PODXL2: variants seen among roughly 807,000 people sequenced by gnomAD.
PODXL2 encodes podocalyxin like 2.
PODXL2 carries 17 observed loss-of-function variants against 53.4 expected under a neutral mutation model. The ratio of observed to expected loss-of-function variants is 0.32; its 90% CI spans 0.22 to 0.48. PODXL2 has a LOEUF of 0.48. Among genes scored for constraint, PODXL2 ranks in the 20% least tolerant of loss-of-function variants. The pLI is 0.99. For synonymous variants in PODXL2, 311 were observed against 306.7 expected, an observed-to-expected ratio of 1.01 and a Z score of -0.15; for missense variants, 673 against 760.0, an observed-to-expected ratio of 0.89 and a Z score of 1.35.
intron 1 of PODXL2, among the ~76,000 whole-genome samples, chr3:127,632,085 C>A (rs958234844): frequency 1.3e-5 from 2 of 152,210 alleles, no homozygotes; most frequent in Admixed American, 1.3e-4. Context: ...GGGAAGGGGC[C>A]TAGCAAACAC....
At position 127,629,389 on chromosome 3, in the gene PODXL2, GC is replaced by G; in HGVS notation, c.70+102del. On this transcript the variant is annotated intron_variant, in intron 1 of 7. Transcript: ENST00000342480. This position sits in a 1 kb window ranked among gnomAD's most constrained non-coding sequence, Gnocchi z 6.4. ...GCCAACAAAGGGGCCAGAGTGCGGC[GC>G]CGCCGGGAGCGCGCGTGTCCCGGCC... 1.1e-6 allele frequency: 1 copy of G among 903,282 alleles called. No homozygotes were observed. Among genetic ancestry groups the G allele is most frequent in the Non-Finnish European group, 1.3e-6 (1 of 754,350 alleles). The allele number at this position is 903,282 out of a possible 1,614,324, so 56.0% of individuals were successfully genotyped here.
chr3:127,640,508 C>T (rs538282728), intron 2 of PODXL2, among the ~76,000 whole-genome samples: 1 of 152,088 alleles, frequency 6.6e-6, no homozygotes, highest in South Asian at 2.1e-4. Context: ...TGAGAACAGC[C>T]TGGCCAACAT....
At position 127,672,300 on chromosome 3, in the gene PODXL2, C is replaced by T. The variant is rs1477914934; in HGVS notation, c.1638C>T (p.Asn546=). The stretch of plus-strand genomic sequence containing the variant: ...GCGAGGAGCTGCGCTTCGTGGAGAA[C>T]GGCTGCCACGACAACCCCACGCTGG... ...SHGEELRFVE[N]GCHDNPTLDV... The change falls in exon 8 of 8, where the codon AAC becomes AAT. Residue 546 remains asparagine, a synonymous_variant. Coordinates refer to ENST00000342480, the MANE Select transcript of PODXL2 (RefSeq NM_015720.4). The T allele has an allele frequency of 3.2e-6, 5 of 1,547,310 alleles. No individual in the cohort carries two copies. Among genetic ancestry groups the T allele is most frequent in the Admixed American group, 3.9e-5 (2 of 51,294 alleles).
At chr3:127,667,040 C>T (rs1346662045) in intron 4 of PODXL2, among the ~76,000 whole-genome samples, 1 of 152,246 alleles carries the variant, frequency 6.6e-6, no homozygotes, top group Non-Finnish European at 1.5e-5. Flanking sequence ...CATACTCAAT[C>T]AGTGAATAAA....
At chr3:127,654,084 G>A (rs1278824164) in intron 2 of PODXL2, among the ~76,000 whole-genome samples, 1 of 152,112 alleles carries the variant, frequency 6.6e-6, no homozygotes, top group African/African-American at 2.4e-5. Context: ...AAAAGAGCAG[G>A]GTTTCATAGT....
chr3:127,665,589 C>T (rs2074791475), intron 4 of PODXL2, among the ~76,000 whole-genome samples: 1 of 152,134 alleles, frequency 6.6e-6, no homozygotes, highest in Admixed American at 6.5e-5. Context: ...AAAAGAAATC[C>T]TTACTGTAGA....
intron 2 of PODXL2, among the ~76,000 whole-genome samples, chr3:127,657,188 T>A (rs1392653707): frequency 6.6e-6 from 1 of 152,182 alleles, no homozygotes; most frequent in Non-Finnish European, 1.5e-5. Context: ...TTTAGGGAGT[T>A]CTGTTGGTGC....
At position 127,672,273 on chromosome 3, in the gene PODXL2, C is replaced by T. The variant is rs868771954; in HGVS notation, c.1611C>T (p.His537=). 12 of 1,543,746 alleles carry T rather than the reference C, an allele frequency of 7.8e-6. No individual in the cohort carries two copies. In the Middle Eastern group the frequency reaches 1.8e-3, roughly 230 times the overall value. ...CTCTCCCCACCCCGCCTCAGTCGCA[C>T]GGCGAGGAGCTGCGCTTCGTGGAGA... is the stretch of plus-strand genomic sequence containing the variant. ...RRLPKLKHVS[H]GEELRFVENG... The change falls in exon 8 of 8, where the codon CAC becomes CAT. Residue 537 remains histidine (H), a synonymous_variant. Transcript: ENST00000342480.
At chr3:127,648,438 A>G (rs1345138492) in intron 2 of PODXL2, among the ~76,000 whole-genome samples, 1 of 152,242 alleles carries the variant, frequency 6.6e-6, no homozygotes, top group Admixed American at 6.5e-5. Flanking sequence ...CTGTGGACAG[A>G]GCAACAAAGA....
At chr3:127,642,700 ATG>A (rs747375701) in intron 2 of PODXL2, among the ~76,000 whole-genome samples, 67 of 152,310 alleles carry the variant, frequency 4.4e-4, no homozygotes, top group Non-Finnish European at 8.4e-4. Context: ...TACAAAACAT[ATG>A]TGTACGTTCA....
At chr3:127,658,707 G>A (rs2074741264) in intron 2 of PODXL2, among the ~76,000 whole-genome samples, 1 of 152,086 alleles carries the variant, frequency 6.6e-6, no homozygotes, top group Admixed American at 6.5e-5. Flanking sequence ...GAGCTGTTAA[G>A]ATTTTCTCTT....
chr3:127,660,774 C>T lies in PODXL2; in HGVS notation c.746C>T (p.Thr249Ile), dbSNP rs778298278. Reference protein sequence around the residue: ...MGPSLLLPSVTPTTVTPGDQD... With the variant: ...MGPSLLLPSVIPTTVTPGDQD... ...CCCAGCTTGCTGCTGCCTTCAGTCACCCCAACTACAGTGACTCCGGGGGAC... is the reference window on the plus strand; with the variant it reads ...CCCAGCTTGCTGCTGCCTTCAGTCATCCCAACTACAGTGACTCCGGGGGAC... The change falls in exon 3 of 8, where the codon ACC (threonine) becomes ATC (isoleucine). Residue 249 changes from threonine (T) to isoleucine (I), a missense_variant. By Grantham distance (89) the Thr-to-Ile change is moderately conservative. Coordinates refer to ENST00000342480, the MANE Select transcript of PODXL2 (RefSeq NM_015720.4). The T allele has an allele frequency of 6.2e-7, 1 of 1,614,106 alleles. No individual in the cohort carries two copies. The highest frequency in any genetic ancestry group is 8.5e-7 in the Non-Finnish European group (1 of 1,179,994).
intron 4 of PODXL2, among the ~76,000 whole-genome samples, chr3:127,668,142 G>C (rs140817294): frequency 8.3e-5 from 11 of 132,632 alleles, no homozygotes; most frequent in Non-Finnish European, 1.5e-4. Flanking sequence ...GTGTGTGTGT[G>C]TCCCCAGCCC....
intron 2 of PODXL2, among the ~76,000 whole-genome samples, chr3:127,644,986 A>G (rs1303596953): frequency 1.3e-5 from 2 of 152,222 alleles, no homozygotes; most frequent in Admixed American, 6.5e-5. Flanking sequence ...CTACCTGACC[A>G]TGATCCTGTG....
At chr3:127,643,044 G>A (rs933082297) in intron 2 of PODXL2, among the ~76,000 whole-genome samples, 2 of 151,916 alleles carry the variant, frequency 1.3e-5, no homozygotes, top group African/African-American at 2.4e-5. Context: ...TTACTTTCCT[G>A]TTTTTTTCTA....
At position 127,629,194 on chromosome 3, in the gene PODXL2, C is replaced by T. The variant is rs1187325179; in HGVS notation, c.-26C>T. 6 of 981,490 alleles carry T rather than the reference C, an allele frequency of 6.1e-6. No individual in the cohort carries two copies. The highest frequency in any genetic ancestry group is 5.3e-5 in the African/African-American group (3 of 56,394). The allele number at this position is 981,490 out of a possible 1,614,324, so 60.8% of individuals were successfully genotyped here. A position where few individuals can be genotyped will look rare whatever the true frequency, so the allele number is the denominator to read the frequency against. ...CGCGGGCCCGGGCGCCGCGCCGCTG[C>T]GGCTGCAGGCGGCGACGGCTACACC... is the stretch of plus-strand genomic sequence containing the variant. On this transcript the variant is annotated 5_prime_UTR_variant, in exon 1 of 8. Transcript: ENST00000342480. This position sits in a 1 kb window ranked among gnomAD's most constrained non-coding sequence, Gnocchi z 6.4.
chr3:127,671,698 T>C, intron 7 of PODXL2, 85 bp downstream of exon 7: 3 of 1,332,112 alleles, frequency 2.3e-6, no homozygotes, highest in Non-Finnish European at 3.2e-6. Flanking sequence ...GGGGAGGCAG[T>C]GACTCTCCTG....
At chr3:127,647,315 C>T (rs1388830662) in intron 2 of PODXL2, among the ~76,000 whole-genome samples, 1 of 152,172 alleles carries the variant, frequency 6.6e-6, no homozygotes, top group East Asian at 1.9e-4. Context: ...TTAATTCATG[C>T]ACAATTGTTA....
At chr3:127,662,161 T>A in intron 3 of PODXL2, 76 bp from the exon 4 acceptor site, 1 of 1,329,368 alleles carries the variant, frequency 7.5e-7, no homozygotes, top group Admixed American at 1.7e-5. Flanking sequence ...CCAAAAGGCC[T>A]CCGACCGGGG....
Sources: allele counts gnomAD v4.1 joint callset (sites outside exome capture counted in the v4.1 genomes callset), GRCh38; gene constraint gnomAD v4.1.1; non-coding constraint Gnocchi (gnomAD v3.1); transcripts MANE v1.5; gene names NCBI Gene and HGNC (gene_info 2026-07-23, HGNC 2026-07-21).